Variants in MTUS2 observed in about 807,000 individuals in gnomAD.
MTUS2 encodes microtubule associated scaffold protein 2.
Under a neutral mutation model 114.1 loss-of-function variants are expected in MTUS2, and 40 were observed. The observed-to-expected ratio is 0.35, with a 90% CI of 0.27 to 0.46. The LOEUF (loss-of-function observed/expected upper bound fraction) is 0.46. MTUS2 is among the 20% of genes least tolerant of loss of function. The probability of loss-of-function intolerance (pLI) is 1.00; values close to 1 mark genes in which losing one functional copy is unlikely to be tolerated. For synonymous variants in MTUS2, 688 were observed against 672.0 expected (o/e 1.02, Z -0.37); for missense variants, 1,679 against 1,705.4 (o/e 0.98, Z 0.27).
intron 2 of MTUS2, among the ~76,000 whole-genome samples, chr13:28,927,918 A>T (rs1027299239): frequency 7.2e-5 from 11 of 152,178 alleles, no homozygotes; most frequent in Admixed American, 7.2e-4. Context: ...AAAAACAGAC[A>T]CATAGACCAA....
intron 7 of MTUS2, among the ~76,000 whole-genome samples, chr13:29,352,622 T>A (rs763326542): frequency 9.2e-5 from 14 of 152,196 alleles, no homozygotes; most frequent in Non-Finnish European, 1.3e-4. Flanking sequence ...TTTGAGGCTG[T>A]TTGTGTCTGT....
At chr13:29,171,129 T>TGA (rs201524689) in intron 5 of MTUS2, among the ~76,000 whole-genome samples, 48 of 120,718 alleles carry the variant, frequency 4.0e-4, no homozygotes, top group East Asian at 2.5e-3. Context: ...GGTGAGTGAG[T>TGA]GAGAGAGAGA....
At chr13:29,263,273 A>G (rs1205843787) in intron 5 of MTUS2, among the ~76,000 whole-genome samples, 2 of 152,120 alleles carry the variant, frequency 1.3e-5, no homozygotes, top group Non-Finnish European at 2.9e-5. Context: ...CCCCTGTCCT[A>G]TAGAAGTATG....
chr13:29,101,421 G>T (rs1890414978), intron 5 of MTUS2, among the ~76,000 whole-genome samples: 1 of 152,150 alleles, frequency 6.6e-6, no homozygotes, highest in African/African-American at 2.4e-5. Context: ...TTAAATAAAT[G>T]ATGTTAAAAG....
At chr13:28,911,081 T>C (rs1566217204) in intron 2 of MTUS2, among the ~76,000 whole-genome samples, 1 of 151,488 alleles carries the variant, frequency 6.6e-6, no homozygotes, top group East Asian at 1.9e-4. Context: ...TTCACCGTGT[T>C]ATCCAGGATG....
chr13:29,149,925 T>C (rs1048639935), intron 5 of MTUS2, among the ~76,000 whole-genome samples: 16 of 152,048 alleles, frequency 1.1e-4, no homozygotes, highest in African/African-American at 3.9e-4. Flanking sequence ...AGCCTTGTAG[T>C]ATATAGTTTG....
intron 2 of MTUS2, among the ~76,000 whole-genome samples, chr13:28,911,700 A>T (rs2138014479): frequency 6.6e-6 from 1 of 151,974 alleles, no homozygotes; most frequent in East Asian, 1.9e-4. Flanking sequence ...TGTCATTCTG[A>T]CTGGTATGAG....
rs762537698 is a variant in MTUS2 at position 29,501,111 on chromosome 13, T to C, written c.3813T>C (p.Ile1271=). The change falls in exon 15 of 16, where the codon ATT becomes ATC. Residue 1271 remains isoleucine (I), a synonymous_variant. Transcript: ENST00000612955. ...LELEKLAEKN[I]ILEEKIQVLQ... is the part of the protein sequence containing the mutation. ...TTCCTTTGTAGGCAGAAAAGAACATTATCCTAGAAGAAAAGATCCAGGTTC... is the reference window on the plus strand; with the variant it reads ...TTCCTTTGTAGGCAGAAAAGAACATCATCCTAGAAGAAAAGATCCAGGTTC... The C allele has an allele frequency of 6.2e-7, 1 of 1,614,076 alleles. No homozygotes were observed. Among genetic ancestry groups the C allele is most frequent in the Admixed American group, 1.7e-5 (1 of 60,020 alleles).
chr13:29,049,615 C>T (rs1887797454), intron 4 of MTUS2, among the ~76,000 whole-genome samples: 1 of 152,154 alleles, frequency 6.6e-6, no homozygotes, highest in African/African-American at 2.4e-5. Context: ...GCAGAAAACA[C>T]CTAAAGAGGA....
intron 8 of MTUS2, among the ~76,000 whole-genome samples, chr13:29,400,846 A>G (rs17073332): frequency 0.013 from 2,029 of 152,332 alleles, 37 homozygotes; most frequent in African/African-American, 0.046. Context: ...GCACTATGCT[A>G]TTCCTCAAAG....
rs150015669 is a variant in MTUS2, at chr13:29,114,611, A to T, written c.2644+13641A>T. Reference sequence around the variant, plus strand: ...GAAAGATGGAGGAAGTAAGGAAGGGAAGTGAGGGGCTTGAGGTGCAGATAG... The same window carrying T: ...GAAAGATGGAGGAAGTAAGGAAGGGTAGTGAGGGGCTTGAGGTGCAGATAG... On this transcript the variant is annotated intron_variant, in intron 5 of 15. Transcript: ENST00000612955. Among the ~76,000 whole-genome samples, 828 of 152,294 alleles carry T rather than the reference A, an allele frequency of 5.4e-3. 9 individuals are homozygous for T. The highest frequency in any genetic ancestry group is 0.019 in the African/African-American group (789 of 41,554).
intron 2 of MTUS2, among the ~76,000 whole-genome samples, chr13:28,861,052 G>A (rs1030498700): frequency 6.6e-6 from 1 of 152,122 alleles, no homozygotes; most frequent in African/African-American, 2.4e-5. Context: ...TGCAGGGCAG[G>A]GACCAGGCTG....
chr13:29,404,134 T>G (rs1874566064), intron 8 of MTUS2, among the ~76,000 whole-genome samples: 1 of 143,390 alleles, frequency 7.0e-6, no homozygotes, highest in Non-Finnish European at 1.5e-5. Context: ...TTAAAAATCT[T>G]CCAGCAACCA....
chr13:28,938,931 T>C (rs1423185079), intron 2 of MTUS2, among the ~76,000 whole-genome samples: 4 of 152,194 alleles, frequency 2.6e-5, no homozygotes, highest in Non-Finnish European at 1.5e-5. Flanking sequence ...CTTAATAGCA[T>C]AGGTATGTGA....
chr13:29,245,501 G>T (rs1566088355), intron 5 of MTUS2, among the ~76,000 whole-genome samples: 1 of 152,282 alleles, frequency 6.6e-6, no homozygotes, highest in South Asian at 2.1e-4. Flanking sequence ...GGGACCTTCA[G>T]CCTGAGAGCT....
intron 8 of MTUS2, among the ~76,000 whole-genome samples, chr13:29,410,644 G>A (rs1019339269): frequency 2.0e-5 from 3 of 152,094 alleles, no homozygotes; most frequent in African/African-American, 7.2e-5. Context: ...CCCTTTATCT[G>A]TGACACATGG....
At chr13:29,211,981 T>C (rs1234785446) in intron 5 of MTUS2, among the ~76,000 whole-genome samples, 1 of 152,186 alleles carries the variant, frequency 6.6e-6, no homozygotes, top group East Asian at 1.9e-4. Flanking sequence ...TTCCCCTCAC[T>C]TTCTAATTTC....
At chr13:28,966,325 T>A (rs1375733023) in intron 2 of MTUS2, among the ~76,000 whole-genome samples, 4 of 152,234 alleles carry the variant, frequency 2.6e-5, no homozygotes, top group Admixed American at 6.5e-5. Flanking sequence ...GAGACTTGTT[T>A]AAAGATATTC....
intron 2 of MTUS2, among the ~76,000 whole-genome samples, chr13:28,975,461 TCGCCTGCGGCAGCA>T (rs1884048728): frequency 4.8e-5 from 7 of 145,816 alleles, no homozygotes; most frequent in Non-Finnish European, 9.1e-5. Flanking sequence ...GTTTCCAATC[TCGCCTGCGGCAGCA>T]TCGCCCTCCC....
Sources: gnomAD v4.1 joint callset for allele counts (sites outside exome capture counted in the v4.1 genomes callset) on GRCh38, gnomAD v4.1.1 for gene constraint, MANE v1.5 for transcripts, NCBI Gene and HGNC (gene_info 2026-07-23, HGNC 2026-07-21) for gene names.